The following SCIMP variants were observed in gnomAD, a reference collection of about 807,000 sequenced individuals.
SCIMP encodes SLP adapter and CSK-interacting membrane protein.
In SCIMP, 18 loss-of-function variants were observed where a neutral mutation model predicts 22.0. That is an observed-to-expected ratio of 0.82 (90% confidence interval 0.56 to 1.21). The LOEUF is 1.21. Among genes scored for constraint, SCIMP ranks in the 50% most tolerant of loss-of-function variants. The pLI, the probability that SCIMP is intolerant of heterozygous loss-of-function variation, is 0.00. For missense variants in SCIMP, 155 were observed against 171.2 expected, an observed-to-expected ratio of 0.91 and a Z score of 0.53; for synonymous variants, 53 against 62.2, an observed-to-expected ratio of 0.85 and a Z score of 0.70.
intron 3 of SCIMP, among the ~76,000 whole-genome samples, chr17:5,216,393 C>T (rs1381597723): frequency 6.6e-6 from 1 of 152,096 alleles, no homozygotes; most frequent in East Asian, 1.9e-4. Flanking sequence ...AGCTGCTGGG[C>T]ACGGTGGCTC....
chr17:5,231,341 CG>C, intron 1 of SCIMP, among the ~76,000 whole-genome samples: 1 of 148,894 alleles, frequency 6.7e-6, no homozygotes, highest in Non-Finnish European at 1.5e-5. Context: ...GCCTGAGTGA[CG>C]AGAGTGAAAC....
chr17:5,215,639 A>G (rs867523611), intron 3 of SCIMP, among the ~76,000 whole-genome samples: 1 of 152,078 alleles, frequency 6.6e-6, no homozygotes, highest in Non-Finnish European at 1.5e-5. Flanking sequence ...AAAAACAAAA[A>G]ACAAAAGCAG....
chr17:5,215,027 T>A (rs750211660), intron 3 of SCIMP, 29 bp from the exon 4 acceptor site: 2 of 1,488,956 alleles, frequency 1.3e-6, no homozygotes, highest in Non-Finnish European at 1.9e-6. Flanking sequence ...AGAGAATCAG[T>A]GTTTGGTTTG....
intron 1 of SCIMP, among the ~76,000 whole-genome samples, chr17:5,228,095 C>T (rs935174490): frequency 1.3e-5 from 2 of 152,090 alleles, no homozygotes; most frequent in African/African-American, 4.8e-5. Flanking sequence ...TTGCTTGACA[C>T]TGGGAGGCGG....
At chr17:5,227,656 G>T (rs547746678) in intron 1 of SCIMP, among the ~76,000 whole-genome samples, 1 of 152,332 alleles carries the variant, frequency 6.6e-6, no homozygotes, top group African/African-American at 2.4e-5. Flanking sequence ...AAAGTCAACA[G>T]TGTGGGGGTT....
At chr17:5,233,126 C>T (rs2074715748) in intron 1 of SCIMP, among the ~76,000 whole-genome samples, 2 of 152,104 alleles carry the variant, frequency 1.3e-5, no homozygotes, top group Admixed American at 6.6e-5. Flanking sequence ...AAAAGGAGTC[C>T]AGCCTCTCTT....
At chr17:5,219,208 A>G (rs1172532783) in intron 3 of SCIMP, among the ~76,000 whole-genome samples, 1 of 152,102 alleles carries the variant, frequency 6.6e-6, no homozygotes, top group Non-Finnish European at 1.5e-5. Flanking sequence ...AATCCCAGCT[A>G]TTCAGGAGAC....
chr17:5,222,171 G>A (rs2074613444), intron 2 of SCIMP, among the ~76,000 whole-genome samples: 1 of 149,154 alleles, frequency 6.7e-6, no homozygotes, highest in Non-Finnish European at 1.5e-5. Context: ...CTCACTGCAA[G>A]CTCCACCTCC....
chr17:5,210,823 T>A lies in SCIMP; in HGVS notation c.416A>T (p.Asn139Ile), dbSNP rs1423081924. The stretch of plus-strand genomic sequence containing the variant: ...GTTTCAAAATGATGCTTTTTCAGTA[T>A]TTGCAGGGATTTCAACATCGTCATA... Reference protein sequence around the residue: ...DDYDDVEIPANTEKASF With the variant: ...DDYDDVEIPAITEKASF Residue 139 changes from asparagine to isoleucine, a missense_variant, in exon 5 of 5, where the codon AAT becomes ATT. Coordinates refer to ENST00000574081, the MANE Select transcript of SCIMP (RefSeq NM_207103.3). 2 of 1,610,354 alleles carry A rather than the reference T, an allele frequency of 1.2e-6. No individual in the cohort carries two copies. The highest frequency in any genetic ancestry group is 2.7e-5 in the African/African-American group (2 of 74,712).
At chr17:5,211,107 C>T in intron 4 of SCIMP, 152 bp from the exon 5 acceptor site, 3 of 1,267,890 alleles carry the variant, frequency 2.4e-6, no homozygotes, top group South Asian at 1.6e-5. Flanking sequence ...AGACACAGAC[C>T]TGACAGAGCC....
At chr17:5,221,885 G>T (rs2074610617) in intron 2 of SCIMP, among the ~76,000 whole-genome samples, 1 of 152,070 alleles carries the variant, frequency 6.6e-6, no homozygotes, top group African/African-American at 2.4e-5. Flanking sequence ...CGATTCTCCT[G>T]CCTCAGCCTC....
chr17:5,227,553 G>A (rs564913149), intron 1 of SCIMP, among the ~76,000 whole-genome samples: 42 of 152,152 alleles, frequency 2.8e-4, no homozygotes, highest in Non-Finnish European at 8.8e-5. Context: ...ATTAGAGAAG[G>A]GAGTGACACT....
chr17:5,221,873 A>G (rs1351805553), intron 2 of SCIMP, among the ~76,000 whole-genome samples: 3 of 151,116 alleles, frequency 2.0e-5, no homozygotes, highest in African/African-American at 7.3e-5. Flanking sequence ...CCTGGGTTCA[A>G]GCGATTCTCC....
At position 5,209,609 on chromosome 17, in the gene SCIMP, T is replaced by G. The variant is rs1016696652; in HGVS notation, c.*1192A>C. Reference sequence around the variant, plus strand: ...CTGCAAGGCTGTTCATTTGCCAGATTTCCCAGAGGTCACTTAGAAACCAGC... The same window carrying G: ...CTGCAAGGCTGTTCATTTGCCAGATGTCCCAGAGGTCACTTAGAAACCAGC... On this transcript the variant is annotated 3_prime_UTR_variant, in exon 5 of 5. Transcript: ENST00000574081. The G allele has an allele frequency of 3.9e-5, 6 of 152,196 alleles. No homozygotes were observed. Among genetic ancestry groups the G allele is most frequent in the African/African-American group, 1.4e-4 (6 of 41,444 alleles). The allele number at this position is 152,196 out of a possible 1,614,324, so 9.4% of individuals were successfully genotyped here.
intron 1 of SCIMP, among the ~76,000 whole-genome samples, chr17:5,229,384 C>CT (rs71151849): frequency 0.028 from 1,682 of 59,312 alleles, 335 homozygotes; most frequent in African/African-American, 0.086. Context: ...GTTTATTTAG[C>CT]TTTTTTTTTT....
chr17:5,230,050 A>C lies in SCIMP; in HGVS notation c.21+4685T>G, dbSNP rs540760071. On this transcript the variant is annotated intron_variant, in intron 1 of 4. Transcript: ENST00000574081. ...AAAATGTTGCCTAGGCTGGTTTCAA[A>C]CTCTGGGCCCCAAGTGATCCTCCGC... Among the ~76,000 whole-genome samples the C allele has an allele frequency of 1.2e-4, 18 of 150,770 alleles. No individual in the cohort carries two copies. In the South Asian group the frequency reaches 3.8e-3, roughly 32 times the overall value.
At chr17:5,219,453 C>T (rs564716334) in intron 3 of SCIMP, among the ~76,000 whole-genome samples, 3 of 152,136 alleles carry the variant, frequency 2.0e-5, no homozygotes, top group East Asian at 1.9e-4. Flanking sequence ...CATGGTGAAA[C>T]GCCATCTCTA....
At chr17:5,229,760 C>G (rs993259216) in intron 1 of SCIMP, among the ~76,000 whole-genome samples, 1 of 151,840 alleles carries the variant, frequency 6.6e-6, no homozygotes, top group Non-Finnish European at 1.5e-5. Context: ...TAGTTATTCA[C>G]GTATTCACAT....
intron 1 of SCIMP, 78 bp from the exon 2 acceptor site, chr17:5,223,534 C>T: frequency 1.4e-6 from 2 of 1,422,044 alleles, no homozygotes; most frequent in Non-Finnish European, 2.0e-6. Context: ...CAGTTATCTA[C>T]TGTGGGTTGT....
Sources: allele counts gnomAD v4.1 joint callset (sites outside exome capture counted in the v4.1 genomes callset), GRCh38; gene constraint gnomAD v4.1.1; transcripts MANE v1.5; gene names NCBI Gene and HGNC (gene_info 2026-07-23, HGNC 2026-07-21).